The following CORIN variants were observed in gnomAD, a reference collection of about 807,000 sequenced individuals.
The protein encoded by CORIN is atrial natriuretic peptide-converting enzyme.
In CORIN, 117 loss-of-function variants were observed where a neutral mutation model predicts 125.3. The observed-to-expected ratio is 0.93, with a 90% CI of 0.80 to 1.09. The LOEUF is 1.09. Ranked by LOEUF, CORIN falls within the 50% of genes least tolerant of loss-of-function variation. The pLI, the probability that CORIN is intolerant of heterozygous loss-of-function variation, is 0.00. For missense variants in CORIN, 1,253 were observed against 1,306.7 expected, an observed-to-expected ratio of 0.96 and a Z score of 0.63; for synonymous variants, 450 against 466.4, an observed-to-expected ratio of 0.96 and a Z score of 0.45.
At chr4:47,820,704 T>C (rs1288575418) in intron 1 of CORIN, among the ~76,000 whole-genome samples, 1 of 151,824 alleles carries the variant, frequency 6.6e-6, no homozygotes, top group Non-Finnish European at 1.5e-5. Flanking sequence ...CAATAAAAAA[T>C]GTAAAACACA....
intron 2 of CORIN, among the ~76,000 whole-genome samples, chr4:47,791,331 G>A (rs1451338179): frequency 6.6e-6 from 1 of 152,164 alleles, no homozygotes; most frequent in Non-Finnish European, 1.5e-5. Context: ...GAAAAAGCAA[G>A]AGAATAGATT....
At chr4:47,802,958 CGA>C (rs1009376130) in intron 2 of CORIN, among the ~76,000 whole-genome samples, 1 of 152,096 alleles carries the variant, frequency 6.6e-6, no homozygotes, top group African/African-American at 2.4e-5. Flanking sequence ...GGAAAAAGAA[CGA>C]GAGTCTCGGC....
rs1417294557 is a variant in CORIN, at chr4:47,623,445, T to C, written c.2540+126A>G. 1.1e-5 allele frequency: 11 copies of C among 963,626 alleles called. No individual in the cohort carries two copies. The African/African-American group carries it at 1.2e-4, about 10-fold the overall frequency. The allele number at this position is 963,626 out of a possible 1,614,324, so 59.7% of individuals were successfully genotyped here. ...AGAAAACTTTAGGAAGATAAAGGCC[T>C]GGGAAGTAGATTAGCTGTGGCTTTC... On this transcript the variant is annotated intron_variant, in intron 19 of 21. Transcript: ENST00000273857.
At chr4:47,810,072 G>A (rs116568230) in intron 1 of CORIN, among the ~76,000 whole-genome samples, 2,425 of 152,304 alleles carry the variant, frequency 0.016, 63 homozygotes, top group African/African-American at 0.056. Flanking sequence ...GGTAGGGAAC[G>A]ATGCATCTGA....
intron 1 of CORIN, among the ~76,000 whole-genome samples, chr4:47,829,484 G>T (rs1248886408): frequency 6.6e-6 from 1 of 152,180 alleles, no homozygotes; most frequent in Non-Finnish European, 1.5e-5. Flanking sequence ...CCTGAGTTCT[G>T]TGAGCCATCA....
chr4:47,645,823 T>C (rs1307993091), intron 13 of CORIN, among the ~76,000 whole-genome samples: 3 of 150,860 alleles, frequency 2.0e-5, no homozygotes, highest in Admixed American at 2.0e-4. Flanking sequence ...GAGGTGGAGG[T>C]TGCAGTAAGC....
chr4:47,680,079 AG>A (rs1363592382), intron 8 of CORIN, 61 bp downstream of exon 8: 1 of 1,037,470 alleles, frequency 9.6e-7, no homozygotes, highest in Non-Finnish European at 1.5e-6. Context: ...CTCAACCTTG[AG>A]TACAGCCTAA....
chr4:47,617,246 T>C (rs1436331328), intron 19 of CORIN, among the ~76,000 whole-genome samples: 1 of 152,170 alleles, frequency 6.6e-6, no homozygotes, highest in Non-Finnish European at 1.5e-5. Context: ...GGGTTTATGA[T>C]CATATATTTT....
rs576298914 is a variant in CORIN, at chr4:47,629,039, C to T, written c.2199-2518G>A. 2.6e-5 allele frequency among the ~76,000 whole-genome samples: 4 copies of T among 152,098 alleles called. No homozygotes were observed. The South Asian group carries it at 8.3e-4, about 32-fold the overall frequency. ...GATGTCTTTTTGAGATAATTATTTC[C>T]TTTAGATATATACCCAGAAGTGGGA... On this transcript the variant is annotated intron_variant, in intron 16 of 21. Coordinates refer to ENST00000273857, the MANE Select transcript of CORIN (RefSeq NM_006587.4).
At chr4:47,836,501 G>C (rs1733422255) in intron 1 of CORIN, among the ~76,000 whole-genome samples, 1 of 152,120 alleles carries the variant, frequency 6.6e-6, no homozygotes, top group Admixed American at 6.5e-5. Context: ...CGCTTCCATC[G>C]ATAAGTTACT....
intron 16 of CORIN, among the ~76,000 whole-genome samples, chr4:47,641,345 A>AC (rs1436669246): frequency 1.3e-5 from 2 of 152,132 alleles, no homozygotes; most frequent in Non-Finnish European, 2.9e-5. Context: ...ATTGCTTTCC[A>AC]CCCCCAATGG....
chr4:47,669,306 C>T (rs924352704), intron 10 of CORIN, among the ~76,000 whole-genome samples: 3 of 152,084 alleles, frequency 2.0e-5, no homozygotes, highest in Non-Finnish European at 4.4e-5. Context: ...ATGTATTAAG[C>T]GATGGTCATT....
chr4:47,608,759 A>G (rs1721757229), intron 19 of CORIN, among the ~76,000 whole-genome samples: 1 of 152,196 alleles, frequency 6.6e-6, no homozygotes, highest in South Asian at 2.1e-4. Context: ...AGCCACTTAC[A>G]TATGTCAGAC....
At chr4:47,821,446 T>C (rs2109975785) in intron 1 of CORIN, among the ~76,000 whole-genome samples, 1 of 151,352 alleles carries the variant, frequency 6.6e-6, no homozygotes, top group Admixed American at 6.6e-5. Flanking sequence ...TTCTTTCCAC[T>C]GATGGTTTTA....
chr4:47,718,479 A>G (rs77299322), intron 5 of CORIN, among the ~76,000 whole-genome samples: 19,895 of 152,284 alleles, frequency 0.13, 1,635 homozygotes, highest in East Asian at 0.3. Context: ...ACCACTTAGC[A>G]GTCATTGGCA....
intron 5 of CORIN, among the ~76,000 whole-genome samples, chr4:47,742,321 T>TG (rs1386294797): frequency 6.6e-6 from 1 of 151,858 alleles, no homozygotes; most frequent in Non-Finnish European, 1.5e-5. Flanking sequence ...GAAAGCAGAA[T>TG]GACTGAAAAG....
intron 3 of CORIN, among the ~76,000 whole-genome samples, chr4:47,765,270 C>T (rs2109874699): frequency 6.6e-6 from 1 of 151,376 alleles, no homozygotes. Context: ...GAGATCGCGC[C>T]ACTGCACCCC....
intron 2 of CORIN, among the ~76,000 whole-genome samples, chr4:47,792,735 T>C (rs1731134550): frequency 6.6e-6 from 1 of 152,092 alleles, no homozygotes; most frequent in Admixed American, 6.5e-5. Context: ...AACTAAAAAG[T>C]GTTGCTTCTA....
intron 5 of CORIN, among the ~76,000 whole-genome samples, chr4:47,699,554 A>G (rs1726189496): frequency 6.6e-6 from 1 of 152,212 alleles, no homozygotes; most frequent in South Asian, 2.1e-4. Flanking sequence ...TCTTACTGCT[A>G]TACCCTGAGT....
Sources: gnomAD v4.1 joint callset for allele counts (sites outside exome capture counted in the v4.1 genomes callset) on GRCh38, gnomAD v4.1.1 for gene constraint, MANE v1.5 for transcripts, NCBI Gene and HGNC (gene_info 2026-07-23, HGNC 2026-07-21) for gene names.